PDGFRA: variants seen among roughly 807,000 people sequenced by gnomAD.
The protein encoded by PDGFRA is platelet-derived growth factor receptor alpha.
In PDGFRA, 25 loss-of-function variants were observed where a neutral mutation model predicts 121.5. That is an observed-to-expected ratio of 0.21 (90% CI 0.15 to 0.29). The LOEUF (loss-of-function observed/expected upper bound fraction) is 0.29, where lower values mean the gene tolerates loss of function less well. PDGFRA is among the 10% of genes least tolerant of loss of function. PDGFRA has a pLI of 1.00. For synonymous variants in PDGFRA, 463 were observed against 494.8 expected (o/e 0.94, Z 0.85); for missense variants, 1,008 against 1,345.1 (o/e 0.75, Z 3.92).
chr4:54,261,166 C>T lies in PDGFRA; in HGVS notation c.121C>T (p.Leu41=), dbSNP rs1722681640. The stretch of plus-strand genomic sequence containing the variant: ...AAATGAAAATGAAAAGGTTGTGCAG[C>T]TGAATTCATCCTTTTCTCTGAGATG... ...LPNENEKVVQ[L]NSSFSLRCFG... Residue 41 remains leucine, a synonymous_variant, in exon 3 of 23, where the codon CTG becomes TTG. Coordinates refer to ENST00000257290, the MANE Select transcript of PDGFRA (RefSeq NM_006206.6). 6.2e-7 allele frequency: 1 copy of T among 1,614,020 alleles called. No homozygotes were observed. The highest frequency in any genetic ancestry group is 1.3e-5 in the African/African-American group (1 of 74,930).
intron 1 of PDGFRA, among the ~76,000 whole-genome samples, chr4:54,238,866 T>C (rs1484131099): frequency 6.6e-6 from 1 of 152,068 alleles, no homozygotes; most frequent in East Asian, 1.9e-4. Context: ...CAGCTACTGG[T>C]CTGAGGGGCA....
intron 12 of PDGFRA, among the ~76,000 whole-genome samples, chr4:54,276,103 C>CA (rs1240747232): frequency 6.6e-6 from 1 of 152,122 alleles, no homozygotes; most frequent in African/African-American, 2.4e-5. Flanking sequence ...CCACCCAGGT[C>CA]AATAAACTGG....
chr4:54,236,158 T>C (rs1720994263), intron 1 of PDGFRA, among the ~76,000 whole-genome samples: 1 of 152,216 alleles, frequency 6.6e-6, no homozygotes, highest in African/African-American at 2.4e-5. Context: ...GGGAAGTAAT[T>C]ATGATTGAAG....
At chr4:54,291,058 C>T (rs1266144519) in intron 22 of PDGFRA, among the ~76,000 whole-genome samples, 1 of 152,120 alleles carries the variant, frequency 6.6e-6, no homozygotes, top group African/African-American at 2.4e-5. Context: ...CCAACTGCTC[C>T]CTGGCTGATT....
At chr4:54,266,780 A>C (rs964094181) in intron 5 of PDGFRA, among the ~76,000 whole-genome samples, 4 of 152,110 alleles carry the variant, frequency 2.6e-5, no homozygotes, top group Admixed American at 2.0e-4. Flanking sequence ...CAGGAGTTTG[A>C]GATCAGCCTG....
chr4:54,291,570 G>T (rs142035263), intron 22 of PDGFRA, among the ~76,000 whole-genome samples: 2 of 152,100 alleles, frequency 1.3e-5, no homozygotes. Flanking sequence ...AATCAGAACC[G>T]TGATGAGATA....
intron 4 of PDGFRA, 74 bp from the exon 5 acceptor site, chr4:54,264,845 A>C (rs972018885): frequency 8.0e-5 from 116 of 1,444,226 alleles, no homozygotes; most frequent in Admixed American, 2.1e-4. Context: ...AAAAAAAAAA[A>C]AAAAAACCCA....
chr4:54,257,101 C>T (rs1028759116), intron 1 of PDGFRA, among the ~76,000 whole-genome samples: 2 of 152,180 alleles, frequency 1.3e-5, no homozygotes, highest in Non-Finnish European at 2.9e-5. Flanking sequence ...AAAACCAAGA[C>T]GGTGATGAAA....
chr4:54,270,078 A>G (rs12505491), intron 7 of PDGFRA, among the ~76,000 whole-genome samples: 27,146 of 152,018 alleles, frequency 0.18, 2,921 homozygotes, highest in Admixed American at 0.28. Flanking sequence ...TCCTCCCCAC[A>G]GGGAAACATC....
At chr4:54,243,157 A>G (rs1193875223) in intron 1 of PDGFRA, among the ~76,000 whole-genome samples, 1 of 152,212 alleles carries the variant, frequency 6.6e-6, no homozygotes, top group Admixed American at 6.5e-5. Context: ...TTTGGGGAAC[A>G]TCGTTGCAGT....
intron 7 of PDGFRA, among the ~76,000 whole-genome samples, chr4:54,270,192 A>G (rs1234155503): frequency 6.6e-6 from 1 of 152,198 alleles, no homozygotes; most frequent in Non-Finnish European, 1.5e-5. Flanking sequence ...ATACAAATAC[A>G]TAGAAAGTGT....
At chr4:54,274,679 A>G (rs1481708277) in intron 11 of PDGFRA, 54 bp downstream of exon 11, 17 of 1,484,180 alleles carry the variant, frequency 1.1e-5, no homozygotes, top group Non-Finnish European at 1.4e-5. Context: ...GAACAAGCAT[A>G]GCAACCTAGT....
At chr4:54,239,015 A>G (rs73149599) in intron 1 of PDGFRA, among the ~76,000 whole-genome samples, 6,892 of 152,252 alleles carry the variant, frequency 0.045, 525 homozygotes, top group African/African-American at 0.16. Context: ...GCAAAACCAG[A>G]ATGCAGTGAA....
intron 1 of PDGFRA, among the ~76,000 whole-genome samples, chr4:54,257,874 C>T (rs1203019678): frequency 3.3e-5 from 5 of 152,170 alleles, no homozygotes; most frequent in African/African-American, 1.2e-4. Context: ...TCCCTTCCCA[C>T]TTTTTGCCCA....
At position 54,296,840 on chromosome 4, in the gene PDGFRA, T is replaced by G. The variant is rs186496962; in HGVS notation, c.*1568T>G. ...TCCTTGGCTTCAGGTTAGTGACATTTAATGCCATCTAGCTAGCAATTGCGA... is the reference window on the plus strand; with the variant it reads ...TCCTTGGCTTCAGGTTAGTGACATTGAATGCCATCTAGCTAGCAATTGCGA... On this transcript the variant is annotated 3_prime_UTR_variant, in exon 23 of 23. Coordinates refer to ENST00000257290, the MANE Select transcript of PDGFRA (RefSeq NM_006206.6). The G allele has an allele frequency of 1.3e-5, 3 of 233,060 alleles. No individual in the cohort carries two copies. The East Asian group carries it at 1.8e-4, about 14-fold the overall frequency. 14.4% of individuals were successfully genotyped at this position (233,060 alleles called of 1,614,324 possible).
intron 17 of PDGFRA, among the ~76,000 whole-genome samples, 169 bp downstream of exon 17, chr4:54,285,655 C>A (rs984331329): frequency 2.6e-5 from 4 of 152,178 alleles, no homozygotes; most frequent in African/African-American, 7.2e-5. Flanking sequence ...AATCATCAGG[C>A]ATCTACTCTT....
At position 54,285,976 on chromosome 4, in the gene PDGFRA, T is replaced by C. The variant is rs2110338525; in HGVS notation, c.2562+13T>C. 6.2e-7 allele frequency: 1 copy of C among 1,613,454 alleles called. No individual in the cohort carries two copies. The highest frequency in any genetic ancestry group is 8.5e-7 in the Non-Finnish European group (1 of 1,179,356). Reference sequence around the variant, plus strand: ...GTCGAAAGGCAGTGTACGTCCTCACTTCCCTCACTGGTCAGGCTCATCCTC... The same window carrying C: ...GTCGAAAGGCAGTGTACGTCCTCACCTCCCTCACTGGTCAGGCTCATCCTC... On this transcript the variant is annotated intron_variant, in intron 18 of 22. Coordinates refer to ENST00000257290, the MANE Select transcript of PDGFRA (RefSeq NM_006206.6).
In PDGFRA at chr4:54,237,265, C is replaced by T. The variant is rs181585053; in HGVS notation, c.-13+7850C>T. On this transcript the variant is annotated intron_variant, in intron 1 of 22. Coordinates refer to ENST00000257290, the MANE Select transcript of PDGFRA (RefSeq NM_006206.6). ...GATTACAGATGTGAGCCACCACGCCCGGCCTCATTGGCCACTTTATATGTC... is the reference window on the plus strand; with the variant it reads ...GATTACAGATGTGAGCCACCACGCCTGGCCTCATTGGCCACTTTATATGTC... Among the ~76,000 whole-genome samples, 451 of 152,278 alleles carry T rather than the reference C, an allele frequency of 3.0e-3. 1 individual carries two copies. Among genetic ancestry groups the T allele is most frequent in the African/African-American group, 9.4e-3 (392 of 41,544 alleles).
At chr4:54,274,772 T>A (rs2110298516) in intron 11 of PDGFRA, 69 bp from the exon 12 acceptor site, 1 of 1,556,854 alleles carries the variant, frequency 6.4e-7, no homozygotes, top group Middle Eastern at 1.7e-4. Flanking sequence ...GTCACTGTGC[T>A]GCTTCAGTGA....
Sources: allele counts gnomAD v4.1 joint callset (sites outside exome capture counted in the v4.1 genomes callset), GRCh38; gene constraint gnomAD v4.1.1; transcripts MANE v1.5; gene names NCBI Gene and HGNC (gene_info 2026-07-23, HGNC 2026-07-21).